Variants in ETFA observed in about 807,000 individuals in gnomAD.
The protein encoded by ETFA is electron transfer flavoprotein subunit alpha, mitochondrial.
A neutral mutation model predicts 46.2 loss-of-function variants in ETFA; 22 were observed. The observed-to-expected ratio is 0.48, with a 90% CI of 0.34 to 0.68. The LOEUF is 0.68. ETFA is among the 30% of genes least tolerant of loss of function. The pLI is 0.01. For missense variants in ETFA, 345 were observed against 401.1 expected, an observed-to-expected ratio of 0.86 and a Z score of 1.19; for synonymous variants, 131 against 139.9, an observed-to-expected ratio of 0.94 and a Z score of 0.45.
At chr15:76,258,805 G>A (rs1456578485) in intron 9 of ETFA, among the ~76,000 whole-genome samples, 14 of 152,218 alleles carry the variant, frequency 9.2e-5, no homozygotes. Context: ...GCCACAGAGT[G>A]GTTGCAGGAG....
chr15:76,281,366 T>C (rs569204956), intron 8 of ETFA, among the ~76,000 whole-genome samples: 60 of 152,034 alleles, frequency 3.9e-4, no homozygotes, highest in African/African-American at 1.4e-3. Flanking sequence ...AATCTTTCCC[T>C]TCAATTCTCC....
At chr15:76,251,362 A>G (rs1036622193) in intron 9 of ETFA, among the ~76,000 whole-genome samples, 1 of 152,236 alleles carries the variant, frequency 6.6e-6, no homozygotes, top group Admixed American at 6.5e-5. Context: ...CTTATGTAGA[A>G]AGTACAGTAA....
chr15:76,308,859 TA>T (rs1323482068), intron 1 of ETFA, among the ~76,000 whole-genome samples: 1 of 152,024 alleles, frequency 6.6e-6, no homozygotes, highest in East Asian at 1.9e-4. Context: ...TATTTAGGAG[TA>T]AAGGGCACAT....
chr15:76,290,615 G>A (rs1298913345), intron 4 of ETFA, among the ~76,000 whole-genome samples: 1 of 151,934 alleles, frequency 6.6e-6, no homozygotes, highest in Non-Finnish European at 1.5e-5. Context: ...TGGGATTACA[G>A]GCGTCAGCCA....
intron 8 of ETFA, among the ~76,000 whole-genome samples, chr15:76,279,799 T>C (rs1395410636): frequency 1.3e-5 from 2 of 152,250 alleles, no homozygotes; most frequent in East Asian, 1.9e-4. Flanking sequence ...CCTGGTTATC[T>C]AGCCTAACTT....
At chr15:76,259,190 G>T in intron 9 of ETFA, 2 of 1,524,850 alleles carry the variant, frequency 1.3e-6, no homozygotes, top group Middle Eastern at 1.7e-4. Flanking sequence ...GCTGATCCCC[G>T]CTAGGCAGCT....
At chr15:76,251,017 A>C (rs990630588) in intron 9 of ETFA, among the ~76,000 whole-genome samples, 5 of 151,910 alleles carry the variant, frequency 3.3e-5, no homozygotes, top group African/African-American at 1.2e-4. Context: ...ATAAACTTTT[A>C]AATAAAAAGA....
At chr15:76,227,614 T>C (rs2142109656) in intron 10 of ETFA, 2 of 348,276 alleles carry the variant, frequency 5.7e-6, no homozygotes, top group South Asian at 4.5e-5. Flanking sequence ...CAGATGCTTC[T>C]AACACCACTG....
intron 9 of ETFA, among the ~76,000 whole-genome samples, chr15:76,272,222 C>CTTTTT (rs561675037): frequency 2.9e-5 from 4 of 137,316 alleles, no homozygotes; most frequent in African/African-American, 5.4e-5. Flanking sequence ...TTCTTTCTTT[C>CTTTTT]TTTTTTTTTT....
intron 4 of ETFA, 113 bp downstream of exon 4, chr15:76,292,318 A>T: frequency 1.2e-6 from 1 of 804,558 alleles, no homozygotes; most frequent in East Asian, 2.5e-5. Context: ...CTACCACATC[A>T]ATTCAGATAA....
chr15:76,309,483 C>A (rs920328274), intron 1 of ETFA, among the ~76,000 whole-genome samples: 1 of 152,132 alleles, frequency 6.6e-6, no homozygotes, highest in Non-Finnish European at 1.5e-5. Flanking sequence ...AAAAAAACAG[C>A]TATTCTACTT....
chr15:76,243,702 G>C (rs1403569763), intron 9 of ETFA, among the ~76,000 whole-genome samples: 1 of 151,864 alleles, frequency 6.6e-6, no homozygotes, highest in African/African-American at 2.4e-5. Context: ...GGTAGGCTAA[G>C]GCAGGGGAAT....
At chr15:76,255,024 T>G (rs2039335264) in intron 9 of ETFA, among the ~76,000 whole-genome samples, 1 of 152,198 alleles carries the variant, frequency 6.6e-6, no homozygotes, top group Non-Finnish European at 1.5e-5. Context: ...TCTCTAAAAC[T>G]ATTCTATTTT....
intron 9 of ETFA, among the ~76,000 whole-genome samples, chr15:76,237,734 G>A (rs1174630346): frequency 6.6e-6 from 1 of 152,116 alleles, no homozygotes; most frequent in African/African-American, 2.4e-5. Context: ...CATTTTTAAT[G>A]TTATAGTTCT....
At chr15:76,279,558 C>G (rs561811725) in intron 8 of ETFA, among the ~76,000 whole-genome samples, 9 of 152,056 alleles carry the variant, frequency 5.9e-5, no homozygotes, top group African/African-American at 1.7e-4. Flanking sequence ...ATTACAGGTG[C>G]GAGTCACTGC....
chr15:76,309,307 G>A (rs962900073), intron 1 of ETFA, among the ~76,000 whole-genome samples: 2 of 151,992 alleles, frequency 1.3e-5, no homozygotes, highest in South Asian at 4.2e-4. Flanking sequence ...AAAAATTAGC[G>A]GGGCGTGGTG....
chr15:76,269,649 A>G (rs1252866136), intron 9 of ETFA, among the ~76,000 whole-genome samples: 1 of 152,088 alleles, frequency 6.6e-6, no homozygotes, highest in Non-Finnish European at 1.5e-5. Flanking sequence ...TGTAGCCCCC[A>G]TGGCCTGGTG....
intron 9 of ETFA, among the ~76,000 whole-genome samples, chr15:76,268,118 C>T (rs924214176): frequency 5.4e-5 from 8 of 148,746 alleles, no homozygotes; most frequent in African/African-American, 1.5e-4. Context: ...ACTTTTACCC[C>T]GCAGTAATTA....
intron 9 of ETFA, among the ~76,000 whole-genome samples, chr15:76,234,093 T>C (rs1347706310): frequency 6.6e-6 from 1 of 152,192 alleles, no homozygotes; most frequent in Non-Finnish European, 1.5e-5. Flanking sequence ...TCCAGGGCCA[T>C]TTCTACCTTT....
Sources: gnomAD v4.1 joint callset for allele counts (sites outside exome capture counted in the v4.1 genomes callset) on GRCh38, gnomAD v4.1.1 for gene constraint, MANE v1.5 for transcripts, NCBI Gene and HGNC (gene_info 2026-07-23, HGNC 2026-07-21) for gene names.